EP400: variants seen among roughly 807,000 people sequenced by gnomAD.
EP400 encodes the protein E1A binding protein p400.
EP400 carries 105 observed loss-of-function variants against 354.1 expected under a neutral mutation model. That is an observed-to-expected ratio of 0.30 (90% CI 0.25 to 0.35). EP400 has a LOEUF of 0.35. EP400 is among the 10% of genes least tolerant of loss of function. The pLI is 1.00. For synonymous variants in EP400, 1,646 were observed against 1,716.9 expected (o/e 0.96, Z 1.02); for missense variants, 3,280 against 4,121.0 (o/e 0.80, Z 5.59).
intron 22 of EP400, among the ~76,000 whole-genome samples, chr12:132,020,749 G>T (rs1894097093): frequency 6.6e-6 from 1 of 152,200 alleles, no homozygotes; most frequent in Admixed American, 6.5e-5. Context: ...ATGAGTGGAA[G>T]CTCTGTTGAT....
In EP400 at chr12:132,069,481, C is replaced by G. The variant is rs769191271; in HGVS notation, c.8875-14C>G. 7 of 1,612,216 alleles carry G rather than the reference C, an allele frequency of 4.3e-6. No individual in the cohort carries two copies. In the African/African-American group the frequency reaches 9.3e-5, roughly 22 times the overall value. ...CATGGTCTCTGCGGCCCTAATTTCG[C>G]AGTCTCTCCCCAGATCACCGCACAG... On this transcript the variant is annotated splice_polypyrimidine_tract_variant and intron_variant, in intron 50 of 52. Coordinates refer to ENST00000389561, the MANE Select transcript of EP400 (RefSeq NM_015409.5).
chr12:132,011,234 G>A (rs1893753393), intron 15 of EP400, among the ~76,000 whole-genome samples: 1 of 152,180 alleles, frequency 6.6e-6, no homozygotes, highest in Admixed American at 6.5e-5. Flanking sequence ...TCTTGGGACT[G>A]CTCGTTCAAT....
intron 12 of EP400, among the ~76,000 whole-genome samples, chr12:131,997,990 GCA>G: frequency 6.6e-6 from 1 of 152,292 alleles, no homozygotes; most frequent in South Asian, 2.1e-4. Context: ...TGAAATGAGT[GCA>G]GTTTCCTTTT....
intron 45 of EP400, among the ~76,000 whole-genome samples, chr12:132,055,509 T>G (rs1895461898): frequency 7.6e-6 from 1 of 130,858 alleles, no homozygotes; most frequent in East Asian, 2.3e-4. Context: ...TAGGTGTGTG[T>G]GTGTGAGGTG....
intron 46 of EP400, 61 bp from the exon 47 acceptor site, chr12:132,062,405 A>C: frequency 6.2e-7 from 1 of 1,610,352 alleles, no homozygotes; most frequent in Non-Finnish European, 8.5e-7. Context: ...CTGTCTGAGA[A>C]TGAGGATCTG....
Position 132,069,576 on chromosome 12 carries a change from C to T in EP400, c.8956C>T (p.Leu2986Phe), listed in dbSNP as rs1896009136. 6.2e-7 allele frequency: 1 copy of T among 1,614,260 alleles called. No individual in the cohort carries two copies. The change falls in exon 51 of 53, where the codon CTT becomes TTT. Residue 2986 changes from leucine to phenylalanine, a missense_variant. This residue lies in a region of EP400 where 279 missense variants were observed against 386.7 expected (regional missense o/e 0.72). Transcript: ENST00000389561. ...AAQPALKTQF[L>F]TTPISQAQKL... ...GCAGCCGGCCCTTAAGACCCAGTTT[C>T]TTACCACACCCATCTCCCAGGCCCA...
intron 14 of EP400, 21 bp downstream of exon 14, chr12:132,006,323 G>A: frequency 6.2e-7 from 1 of 1,611,512 alleles, no homozygotes; most frequent in South Asian, 1.1e-5. Flanking sequence ...AAGCTTTCAA[G>A]TGTGGGATGG....
intron 32 of EP400, among the ~76,000 whole-genome samples, chr12:132,041,388 T>A (rs756533846): frequency 9.2e-5 from 14 of 152,208 alleles, no homozygotes; most frequent in Non-Finnish European, 1.9e-4. Context: ...TGCGGCGGGC[T>A]CCTCAGAAGG....
intron 47 of EP400, 86 bp from the exon 48 acceptor site, chr12:132,064,582 T>C: frequency 6.5e-7 from 1 of 1,528,298 alleles, no homozygotes; most frequent in South Asian, 1.2e-5. Context: ...TAATGGGCAG[T>C]AGAGGGGTGG....
intron 47 of EP400, among the ~76,000 whole-genome samples, chr12:132,063,853 C>T (rs1300497441): frequency 6.6e-6 from 1 of 152,188 alleles, no homozygotes; most frequent in Non-Finnish European, 1.5e-5. Context: ...CCCCGCCTAG[C>T]CCACTTGTAT....
chr12:132,027,395 A>T lies in EP400; in HGVS notation c.5015-42A>T. 6 of 1,600,806 alleles carry T rather than the reference A, an allele frequency of 3.7e-6. No homozygotes were observed. Among genetic ancestry groups the T allele is most frequent in the Non-Finnish European group, 5.1e-6 (6 of 1,168,300 alleles). ...TGCTGGTGTCAGATGAAATCCTGTG[A>T]ACTTGGCGTTCCTTTTCACCTCTTC... On this transcript the variant is annotated intron_variant, in intron 25 of 52. Transcript: ENST00000389561. The surrounding 1 kb of genome is among the most constrained non-coding windows in gnomAD (Gnocchi z 4.9).
chr12:132,058,511 C>G (rs2136600258), intron 45 of EP400, among the ~76,000 whole-genome samples: 1 of 149,602 alleles, frequency 6.7e-6, no homozygotes, highest in South Asian at 2.1e-4. Flanking sequence ...GCCACCGTAC[C>G]TGGCTAATTT....
chr12:132,044,186 A>T lies in EP400; in HGVS notation c.6460A>T (p.Met2154Leu), dbSNP rs750278944. Reference protein sequence around the residue: ...EKERNSEDAVMTAVRAWEFWN... With the variant: ...EKERNSEDAVLTAVRAWEFWN... ...CTGCTCTCCCCGTCAGGACGCAGTG[A>T]TGACTGCAGTGAGGGCATGGGAGTT... is the stretch of plus-strand genomic sequence containing the variant. Residue 2154 changes from methionine (M) to leucine (L), a missense_variant, in exon 35 of 53, where the codon ATG (methionine) becomes TTG (leucine). Around this residue, in one of 20 missense-constraint regions of EP400, gnomAD observed 231 missense variants for 257.9 expected, o/e 0.90. Transcript: ENST00000389561. 6.8e-6 allele frequency: 11 copies of T among 1,614,052 alleles called. No individual in the cohort carries two copies. The highest frequency in any genetic ancestry group is 9.3e-6 in the Non-Finnish European group (11 of 1,180,012).
Position 131,990,244 on chromosome 12 carries a change from T to C in EP400, c.2550+140T>C. On this transcript the variant is annotated intron_variant, in intron 8 of 52. Transcript: ENST00000389561. The surrounding 1 kb of genome is among the most constrained non-coding windows in gnomAD (Gnocchi z 4.2). ...CAGCAACGTGTGCACTCTCCTGGGC[T>C]GTTGCTTGTTGGCCTTTGAATGAGC... 1 of 1,001,776 alleles carries C rather than the reference T, an allele frequency of 1.0e-6. No homozygotes were observed. Among genetic ancestry groups the C allele is most frequent in the African/African-American group, 1.6e-5 (1 of 62,004 alleles). 62.1% of individuals were successfully genotyped at this position (1,001,776 alleles called of 1,614,324 possible).
chr12:131,987,651 G>T, intron 6 of EP400, 54 bp from the exon 7 acceptor site: 1 of 1,480,250 alleles, frequency 6.8e-7, no homozygotes. Flanking sequence ...GTCTGAGTTG[G>T]TGGAACACAC....
rs1451178830 is a variant in EP400 at position 132,080,112 on chromosome 12, C to G, written c.*2439C>G. On this transcript the variant is annotated 3_prime_UTR_variant, in exon 53 of 53. Transcript: ENST00000389561. ...ACACTGTCAGACTCTAATTGGCGAC[C>G]CTGGGAAACAGTTGCCCTGCTATTC... 6.6e-6 allele frequency: 1 copy of G among 152,116 alleles called. No individual in the cohort carries two copies. The highest frequency in any genetic ancestry group is 1.5e-5 in the Non-Finnish European group (1 of 68,026). The allele number at this position is 152,116 out of a possible 1,614,324, so 9.4% of individuals were successfully genotyped here. A position where few individuals can be genotyped will look rare whatever the true frequency, so the allele number is the denominator to read the frequency against.
Position 132,018,086 on chromosome 12 carries a change from G to A in EP400, c.4111-124G>A. Reference sequence around the variant, plus strand: ...GCACGGAGGAGGGTCTGCTTGCCGAGTGGCCGTTAGAGGGGGCGCGTCTGG... The same window carrying A: ...GCACGGAGGAGGGTCTGCTTGCCGAATGGCCGTTAGAGGGGGCGCGTCTGG... On this transcript the variant is annotated intron_variant, in intron 20 of 52. Coordinates refer to ENST00000389561, the MANE Select transcript of EP400 (RefSeq NM_015409.5). The surrounding 1 kb of genome is among the most constrained non-coding windows in gnomAD (Gnocchi z 4.0). 8.4e-7 allele frequency: 1 copy of A among 1,194,362 alleles called. No homozygotes were observed. Among genetic ancestry groups the A allele is most frequent in the Non-Finnish European group, 1.2e-6 (1 of 843,722 alleles). 74.0% of individuals were successfully genotyped at this position (1,194,362 alleles called of 1,614,324 possible).
Position 132,017,420 on chromosome 12 carries a change from C to A in EP400, c.3924-115C>A. On this transcript the variant is annotated intron_variant, in intron 19 of 52. Transcript: ENST00000389561. The surrounding 1 kb of genome is among the most constrained non-coding windows in gnomAD (Gnocchi z 5.0). ...ACTCTGTCTAACTCATTAAGCGGAC[C>A]TAGAAAATCTGCTCCTGCCTGCCTT... 1 of 1,128,234 alleles carries A rather than the reference C, an allele frequency of 8.9e-7. No homozygotes were observed. Among genetic ancestry groups the A allele is most frequent in the Non-Finnish European group, 1.3e-6 (1 of 783,150 alleles). The allele number at this position is 1,128,234 out of a possible 1,614,324, so 69.9% of individuals were successfully genotyped here. A position where few individuals can be genotyped will look rare whatever the true frequency, so the allele number is the denominator to read the frequency against.
chr12:131,966,421 C>T (rs546745879), intron 2 of EP400, among the ~76,000 whole-genome samples: 16 of 151,740 alleles, frequency 1.1e-4, no homozygotes, highest in South Asian at 4.2e-4. Context: ...TTGCAAAAAT[C>T]AGCTGGGCAT....
Sources: gnomAD v4.1 joint callset for allele counts (sites outside exome capture counted in the v4.1 genomes callset) on GRCh38, gnomAD v4.1.1 for gene constraint, gnomAD v4.1.1 regional missense constraint, Gnocchi (gnomAD v3.1) non-coding constraint, MANE v1.5 for transcripts, NCBI Gene and HGNC (gene_info 2026-07-23, HGNC 2026-07-21) for gene names.